Variants in RTN4IP1 observed in about 807,000 individuals in gnomAD.
RTN4IP1 encodes the protein NAD(P)H oxidoreductase RTN4IP1, mitochondrial.
Under a neutral mutation model 46.6 loss-of-function variants are expected in RTN4IP1, and 32 were observed. The observed-to-expected ratio is 0.69, with a 90% confidence interval of 0.52 to 0.92. RTN4IP1 has a LOEUF of 0.92. Ranked by LOEUF, RTN4IP1 falls within the 40% of genes least tolerant of loss-of-function variation. The pLI, the probability that RTN4IP1 is intolerant of heterozygous loss-of-function variation, is 0.00. For synonymous variants in RTN4IP1, 167 were observed against 161.8 expected (o/e 1.03, Z -0.24); for missense variants, 424 against 485.8 (o/e 0.87, Z 1.20).
intron 7 of RTN4IP1, 93 bp downstream of exon 7, chr6:106,587,586 G>A (rs922086951): frequency 6.9e-6 from 8 of 1,161,586 alleles, no homozygotes; most frequent in South Asian, 4.4e-5. Flanking sequence ...CGTGCTATGC[G>A]GCCTCCAAGA....
rs367661239 is a variant in RTN4IP1 at position 106,611,048 on chromosome 6, CA to C, written c.621-8127del. Reference sequence around the variant, plus strand: ...GGCGCCAACCCCCTTAGCTGCCTTACAAAAAAAAAAACAAAAACACGAAACA... The same window carrying C: ...GGCGCCAACCCCCTTAGCTGCCTTACAAAAAAAAAACAAAAACACGAAACA... On this transcript the variant is annotated intron_variant, in intron 4 of 8. Coordinates refer to ENST00000369063, the MANE Select transcript of RTN4IP1 (RefSeq NM_032730.5). Among the ~76,000 whole-genome samples the C allele has an allele frequency of 8.2e-3, 1,075 of 130,966 alleles. 16 individuals carry two copies. Among genetic ancestry groups the C allele is most frequent in the African/African-American group, 0.027 (966 of 36,380 alleles). 85.9% of individuals were successfully genotyped at this position (130,966 alleles called of 152,430 possible). A position where few individuals can be genotyped will look rare whatever the true frequency, so the allele number is the denominator to read the frequency against.
chr6:106,629,728 G>A (rs1776773525), upstream of RTN4IP1: 1 of 1,598,928 alleles, frequency 6.3e-7, no homozygotes, highest in Non-Finnish European at 8.5e-7. Context: ...GGCCCGCTGA[G>A]GCCCCCGGGA....
At chr6:106,624,946 A>AAAAAAAG (rs1554199277) in intron 1 of RTN4IP1, among the ~76,000 whole-genome samples, 5 of 133,068 alleles carry the variant, frequency 3.8e-5, no homozygotes, top group African/African-American at 1.1e-4. Flanking sequence ...AAAAAAAAAA[A>AAAAAAAG]AAAAAGAAAA....
intron 4 of RTN4IP1, among the ~76,000 whole-genome samples, chr6:106,611,103 T>C (rs1337707935): frequency 2.6e-5 from 4 of 151,596 alleles, no homozygotes; most frequent in East Asian, 1.9e-4. Context: ...CATCCAGAAG[T>C]AGAAAATCAT....
chr6:106,618,432 G>C (rs1010666045), intron 4 of RTN4IP1, among the ~76,000 whole-genome samples: 1 of 152,014 alleles, frequency 6.6e-6, no homozygotes, highest in Admixed American at 6.6e-5. Flanking sequence ...AAAATACAAG[G>C]AACACCACAA....
At chr6:106,573,298 T>A (rs1582852168) in intron 8 of RTN4IP1, among the ~76,000 whole-genome samples, 1 of 152,220 alleles carries the variant, frequency 6.6e-6, no homozygotes. Flanking sequence ...CAGGCATAAG[T>A]TATCAGAAGG....
intron 5 of RTN4IP1, among the ~76,000 whole-genome samples, chr6:106,597,339 C>A (rs7759505): frequency 0.97 from 147,787 of 152,224 alleles, 71,878 homozygotes; most frequent in East Asian, 1. Context: ...TTTCTCTTGA[C>A]TCTGTTTTTA....
intron 8 of RTN4IP1, among the ~76,000 whole-genome samples, chr6:106,581,927 T>C (rs1029492055): frequency 6.6e-6 from 1 of 152,210 alleles, no homozygotes; most frequent in African/African-American, 2.4e-5. Context: ...TCCAACCACA[T>C]GAAGCACTTA....
intron 6 of RTN4IP1, among the ~76,000 whole-genome samples, chr6:106,589,632 C>CT (rs1775596810): frequency 6.6e-6 from 1 of 152,150 alleles, no homozygotes; most frequent in African/African-American, 2.4e-5. Flanking sequence ...CTGCCCTTCA[C>CT]TTTCTCAACT....
intron 1 of RTN4IP1, among the ~76,000 whole-genome samples, chr6:106,626,933 T>C (rs1184802910): frequency 6.6e-6 from 1 of 152,208 alleles, no homozygotes; most frequent in East Asian, 1.9e-4. Flanking sequence ...ATTTCTATGA[T>C]TTATTATTTT....
intron 1 of RTN4IP1, among the ~76,000 whole-genome samples, chr6:106,628,444 G>A (rs1776711950): frequency 6.6e-6 from 1 of 151,908 alleles, no homozygotes; most frequent in Non-Finnish European, 1.5e-5. Context: ...CTCTAGCCTG[G>A]GTGACAGAGT....
intron 4 of RTN4IP1, among the ~76,000 whole-genome samples, chr6:106,606,915 T>G (rs577041348): frequency 1.3e-4 from 20 of 152,028 alleles, no homozygotes; most frequent in African/African-American, 4.6e-4. Flanking sequence ...AAAATTTGCA[T>G]GGAACCACAA....
chr6:106,605,092 TC>T (rs1776029963), intron 4 of RTN4IP1, among the ~76,000 whole-genome samples: 2 of 152,262 alleles, frequency 1.3e-5, no homozygotes, highest in Non-Finnish European at 2.9e-5. Context: ...GCTGTATGTG[TC>T]ACCTAGTGAC....
At chr6:106,576,857 G>A (rs1488145800) in intron 8 of RTN4IP1, among the ~76,000 whole-genome samples, 1 of 152,212 alleles carries the variant, frequency 6.6e-6, no homozygotes, top group Admixed American at 6.5e-5. Flanking sequence ...AGGACAGGCT[G>A]CTCAAAAGGT....
At position 106,571,961 on chromosome 6, in the gene RTN4IP1, TAAG is replaced by T. The variant is rs766738164; in HGVS notation, c.*32_*34del. The T allele has an allele frequency of 5.2e-6, 8 of 1,541,554 alleles. No individual in the cohort carries two copies. Among genetic ancestry groups the T allele is most frequent in the African/African-American group, 1.4e-5 (1 of 73,028 alleles). ...TTTGGGCTCACAGGCACTCACCAAA[TAAG>T]AACGTCAACAATCACTAAACTGCAT... On this transcript the variant is annotated 3_prime_UTR_variant, in exon 9 of 9. Coordinates refer to ENST00000369063, the MANE Select transcript of RTN4IP1 (RefSeq NM_032730.5).
intron 7 of RTN4IP1, 139 bp downstream of exon 7, chr6:106,587,540 A>G (rs1775514842): frequency 2.8e-6 from 2 of 706,700 alleles, no homozygotes; most frequent in African/African-American, 1.8e-5. Context: ...TTTTGAAGCC[A>G]GTCACTGTGA....
chr6:106,585,639 C>A lies in RTN4IP1; in HGVS notation c.990+2040G>T, dbSNP rs192804001. 6.8e-3 allele frequency among the ~76,000 whole-genome samples: 1,039 copies of A among 152,254 alleles called. 22 individuals carry two copies. The highest frequency in any genetic ancestry group is 5.1e-3 in the Non-Finnish European group (349 of 68,020). On this transcript the variant is annotated intron_variant, in intron 7 of 8. Coordinates refer to ENST00000369063, the MANE Select transcript of RTN4IP1 (RefSeq NM_032730.5). ...CTGTGTTATTCCCCCCCTACCCAGGCCACTATAGGAGAGAAAGTAAACCAA... is the reference window on the plus strand; with the variant it reads ...CTGTGTTATTCCCCCCCTACCCAGGACACTATAGGAGAGAAAGTAAACCAA...
intron 1 of RTN4IP1, 79 bp from the exon 2 acceptor site, chr6:106,623,048 T>C: frequency 5.0e-6 from 7 of 1,410,780 alleles, no homozygotes; most frequent in Admixed American, 1.9e-5. Context: ...TATAGTCCAG[T>C]ACAATTTTAG....
At chr6:106,622,094 A>C (rs894237744) in intron 2 of RTN4IP1, among the ~76,000 whole-genome samples, 8 of 151,642 alleles carry the variant, frequency 5.3e-5, no homozygotes, top group Admixed American at 5.3e-4. Flanking sequence ...CTTAAGTACT[A>C]AACTTAGAAA....
Sources: gnomAD v4.1 joint callset for allele counts (sites outside exome capture counted in the v4.1 genomes callset) on GRCh38, gnomAD v4.1.1 for gene constraint, MANE v1.5 for transcripts, NCBI Gene and HGNC (gene_info 2026-07-23, HGNC 2026-07-21) for gene names.